SLC39A11: variants seen among roughly 807,000 people sequenced by gnomAD.
SLC39A11 encodes solute carrier family 39 member 11, also known as zinc transporter ZIP11.
SLC39A11 carries 33 observed loss-of-function variants against 36.1 expected under a neutral mutation model. The ratio of observed to expected loss-of-function variants is 0.91; its 90% CI spans 0.69 to 1.22. The LOEUF (loss-of-function observed/expected upper bound fraction) is 1.22. Among genes scored for constraint, SLC39A11 ranks in the 50% most tolerant of loss-of-function variants. SLC39A11 has a pLI of 0.00. For synonymous variants in SLC39A11, 166 were observed against 170.3 expected (o/e 0.97, Z 0.20); for missense variants, 432 against 430.3 (o/e 1.00, Z -0.03).
chr17:72,800,350 G>A (rs937342779), intron 6 of SLC39A11, among the ~76,000 whole-genome samples: 35 of 126,768 alleles, frequency 2.8e-4, no homozygotes, highest in African/African-American at 7.2e-4. Flanking sequence ...TTGCCCTGTC[G>A]CCCAGGCTGG....
intron 3 of SLC39A11, among the ~76,000 whole-genome samples, chr17:73,051,477 T>C (rs1318577781): frequency 6.6e-6 from 1 of 151,412 alleles, no homozygotes; most frequent in Non-Finnish European, 1.5e-5. Context: ...TGCAACTTGG[T>C]AGAAGGTGGC....
chr17:73,031,594 C>G lies in SLC39A11; in HGVS notation c.268G>C (p.Ala90Pro), dbSNP rs368670816. The G allele has an allele frequency of 1.9e-5, 31 of 1,614,010 alleles. No homozygotes were observed. Among genetic ancestry groups the G allele is most frequent in the Non-Finnish European group, 3.4e-6 (4 of 1,180,044 alleles). Residue 90 changes from alanine (A) to proline (P), a missense_variant, in exon 4 of 10, where the codon GCT becomes CCT. By Grantham distance (27) the Ala-to-Pro change is conservative. Transcript: ENST00000255559. ...PVAVGFTLGA[A>P]FVYLADLLMP... Reference sequence around the variant, plus strand: ...AGGAGGTCAGCCAAGTAGACAAAAGCCGCTCCAAGGGTGAAGCCAACAGCC... The same window carrying G: ...AGGAGGTCAGCCAAGTAGACAAAAGGCGCTCCAAGGGTGAAGCCAACAGCC...
intron 4 of SLC39A11, among the ~76,000 whole-genome samples, chr17:72,994,142 G>T (rs2089356487): frequency 1.3e-5 from 2 of 152,038 alleles, no homozygotes; most frequent in African/African-American, 4.8e-5. Context: ...TATTTCATTT[G>T]CTTCATATAC....
chr17:72,917,429 A>C lies in SLC39A11; in HGVS notation c.430+30323T>G, dbSNP rs2083394676. Among the ~76,000 whole-genome samples, 3 of 152,166 alleles carry C rather than the reference A, an allele frequency of 2.0e-5. No individual in the cohort carries two copies. The South Asian group carries it at 6.2e-4, about 31-fold the overall frequency. ...AGGAAACTGCGAGTTGGGGAAAATC[A>C]CTAGAGGGAAGAAGTGAGGGGGGAT... On this transcript the variant is annotated intron_variant, in intron 5 of 9. Transcript: ENST00000255559.
intron 6 of SLC39A11, among the ~76,000 whole-genome samples, chr17:72,841,006 G>C (rs930136885): frequency 6.6e-6 from 1 of 152,188 alleles, no homozygotes; most frequent in Non-Finnish European, 1.5e-5. Flanking sequence ...AGTGAGCTGA[G>C]ATGGCGCCAC....
chr17:72,664,095 A>C (rs552293527), intron 7 of SLC39A11: 14 of 160,822 alleles, frequency 8.7e-5, no homozygotes, highest in South Asian at 2.1e-4. Flanking sequence ...AGATCAGCCG[A>C]ATCAACCCTG....
At position 72,909,813 on chromosome 17, in the gene SLC39A11, T is replaced by A. The variant is rs189513320; in HGVS notation, c.430+37939A>T. ...CAGGCTGGAGTGCAGTGGCGTGATCTCGGCTCACTGCAACCTCCGCTTCCC... is the reference window on the plus strand; with the variant it reads ...CAGGCTGGAGTGCAGTGGCGTGATCACGGCTCACTGCAACCTCCGCTTCCC... On this transcript the variant is annotated intron_variant, in intron 5 of 9. Coordinates refer to ENST00000255559, the MANE Select transcript of SLC39A11 (RefSeq NM_139177.4). 2.5e-3 allele frequency among the ~76,000 whole-genome samples: 385 copies of A among 151,720 alleles called. 4 individuals are homozygous for A. Among genetic ancestry groups the A allele is most frequent in the African/African-American group, 7.8e-3 (324 of 41,416 alleles).
At chr17:72,770,888 C>A (rs1384009416) in intron 6 of SLC39A11, among the ~76,000 whole-genome samples, 1 of 152,210 alleles carries the variant, frequency 6.6e-6, no homozygotes, top group African/African-American at 2.4e-5. Flanking sequence ...ACATGCACAG[C>A]TTGCACTTCT....
chr17:73,024,419 T>C (rs1161852506), intron 4 of SLC39A11, among the ~76,000 whole-genome samples: 1 of 149,984 alleles, frequency 6.7e-6, no homozygotes, highest in East Asian at 1.9e-4. Context: ...ATCAGGCTTA[T>C]TGTAGAGACT....
intron 5 of SLC39A11, among the ~76,000 whole-genome samples, chr17:72,944,678 G>A (rs1335373836): frequency 6.6e-6 from 1 of 152,186 alleles, no homozygotes; most frequent in Non-Finnish European, 1.5e-5. Flanking sequence ...ACTGTCCACA[G>A]AGATGTAGAT....
chr17:72,777,023 G>A (rs911279157), intron 6 of SLC39A11, among the ~76,000 whole-genome samples: 3 of 152,170 alleles, frequency 2.0e-5, no homozygotes, highest in East Asian at 1.9e-4. Flanking sequence ...CTGGGGGGCC[G>A]TGAGGATTGG....
chr17:72,778,171 C>A (rs933721992), intron 6 of SLC39A11, among the ~76,000 whole-genome samples: 6 of 152,202 alleles, frequency 3.9e-5, no homozygotes, highest in African/African-American at 1.2e-4. Flanking sequence ...TCCCAAAGTG[C>A]TGGGATTACA....
chr17:72,902,613 A>C (rs1249905215), intron 5 of SLC39A11, among the ~76,000 whole-genome samples: 1 of 152,242 alleles, frequency 6.6e-6, no homozygotes, highest in Non-Finnish European at 1.5e-5. Flanking sequence ...TGAATAAACA[A>C]ATCAACAAAG....
At chr17:72,773,983 G>C (rs1432438935) in intron 6 of SLC39A11, among the ~76,000 whole-genome samples, 1 of 152,158 alleles carries the variant, frequency 6.6e-6, no homozygotes, top group Non-Finnish European at 1.5e-5. Context: ...GCAAGACATG[G>C]CATTAACGAA....
At chr17:72,663,155 T>C (rs1046850878) in intron 7 of SLC39A11, among the ~76,000 whole-genome samples, 5 of 152,246 alleles carry the variant, frequency 3.3e-5, no homozygotes, top group Admixed American at 2.6e-4. Context: ...CCTTCTTAGC[T>C]ACTAATTTAA....
chr17:72,841,976 G>A (rs145799152), intron 6 of SLC39A11, among the ~76,000 whole-genome samples: 5,539 of 152,094 alleles, frequency 0.036, 338 homozygotes, highest in African/African-American at 0.12. Flanking sequence ...GGAGGCTGAG[G>A]TGGGAGGATC....
At chr17:72,770,453 T>C (rs544553644) in intron 6 of SLC39A11, among the ~76,000 whole-genome samples, 2 of 152,338 alleles carry the variant, frequency 1.3e-5, no homozygotes, top group Admixed American at 6.5e-5. Context: ...CACTTTTGGC[T>C]CATGGGCCTC....
chr17:72,750,086 G>GA (rs1274739899), intron 6 of SLC39A11, among the ~76,000 whole-genome samples: 5 of 152,182 alleles, frequency 3.3e-5, no homozygotes, highest in African/African-American at 1.2e-4. Flanking sequence ...ATGGGTCGAG[G>GA]AATCAGGTGA....
chr17:72,948,410 C>CGCCGCACGCACACA (rs2085595879), intron 4 of SLC39A11, among the ~76,000 whole-genome samples: 2 of 152,068 alleles, frequency 1.3e-5, no homozygotes, highest in Admixed American at 6.5e-5. Flanking sequence ...CAAGCATCAT[C>CGCCGCACGCACACA]ACTGCCGGGC....
Sources: gnomAD v4.1 joint callset for allele counts (sites outside exome capture counted in the v4.1 genomes callset) on GRCh38, gnomAD v4.1.1 for gene constraint, MANE v1.5 for transcripts, NCBI Gene and HGNC (gene_info 2026-07-23, HGNC 2026-07-21) for gene names.